The following CTNND2 variants were observed in gnomAD, a reference collection of about 807,000 sequenced individuals.
CTNND2 encodes catenin delta-2.
A neutral mutation model predicts 144.4 loss-of-function variants in CTNND2; 22 were observed. That is an observed-to-expected ratio of 0.15 (90% confidence interval 0.11 to 0.22). The LOEUF is 0.22. CTNND2 is among the 10% of genes least tolerant of loss of function. The pLI, the probability that CTNND2 is intolerant of heterozygous loss-of-function variation, is 1.00. For synonymous variants in CTNND2, 751 were observed against 695.6 expected, an observed-to-expected ratio of 1.08 and a Z score of -1.25; for missense variants, 1,353 against 1,618.8, an observed-to-expected ratio of 0.84 and a Z score of 2.82.
At position 11,363,766 on chromosome 5, in the gene CTNND2, G is replaced by A. The variant is rs958312242; in HGVS notation, c.1372+930C>T. Among the ~76,000 whole-genome samples, 9 of 152,142 alleles carry A rather than the reference G, an allele frequency of 5.9e-5. No homozygotes were observed. The South Asian group carries it at 1.7e-3, about 28-fold the overall frequency. On this transcript the variant is annotated intron_variant, in intron 8 of 21. Coordinates refer to ENST00000304623, the MANE Select transcript of CTNND2 (RefSeq NM_001332.4). ...TAAGAAAATTGCTATGCTCTACTTAGTGGTCACTAGAAATTCCAGTAGTCT... is the reference window on the plus strand; with the variant it reads ...TAAGAAAATTGCTATGCTCTACTTAATGGTCACTAGAAATTCCAGTAGTCT...
At chr5:11,266,587 G>A (rs960026698) in intron 9 of CTNND2, among the ~76,000 whole-genome samples, 9 of 152,088 alleles carry the variant, frequency 5.9e-5, no homozygotes, top group Admixed American at 2.6e-4. Flanking sequence ...TTGGGAGAGC[G>A]GCATCTCTAA....
chr5:11,712,711 A>G (rs1786099684), intron 2 of CTNND2, among the ~76,000 whole-genome samples: 1 of 152,216 alleles, frequency 6.6e-6, no homozygotes, highest in Non-Finnish European at 1.5e-5. Flanking sequence ...TTGGACATTA[A>G]AAGAAGAGGG....
intron 3 of CTNND2, among the ~76,000 whole-genome samples, chr5:11,483,507 C>G (rs1371125542): frequency 6.6e-6 from 1 of 152,200 alleles, no homozygotes; most frequent in African/African-American, 2.4e-5. Flanking sequence ...ACTGGAAGAC[C>G]TGTTTCACAT....
At chr5:11,471,064 G>A (rs1469921231) in intron 3 of CTNND2, among the ~76,000 whole-genome samples, 1 of 145,252 alleles carries the variant, frequency 6.9e-6, no homozygotes, top group Non-Finnish European at 1.5e-5. Flanking sequence ...TGCAACCACC[G>A]CCTCCCAGGT....
intron 3 of CTNND2, among the ~76,000 whole-genome samples, chr5:11,433,400 CT>C (rs1763476575): frequency 6.6e-6 from 1 of 152,192 alleles, no homozygotes; most frequent in East Asian, 1.9e-4. Flanking sequence ...ACAATTGACA[CT>C]ACCAAATGTC....
intron 1 of CTNND2, among the ~76,000 whole-genome samples, chr5:11,882,263 A>G (rs1481508562): frequency 6.6e-6 from 1 of 151,918 alleles, no homozygotes; most frequent in Non-Finnish European, 1.5e-5. Context: ...TTTATTTCCT[A>G]TGCTTTTGAA....
At chr5:11,429,506 G>T (rs1305214646) in intron 3 of CTNND2, among the ~76,000 whole-genome samples, 2 of 152,158 alleles carry the variant, frequency 1.3e-5, no homozygotes, top group Non-Finnish European at 2.9e-5. Flanking sequence ...AAATTCGCAG[G>T]CTGCCAGGAC....
intron 3 of CTNND2, among the ~76,000 whole-genome samples, chr5:11,498,414 T>C (rs1770199692): frequency 1.3e-5 from 2 of 152,162 alleles, no homozygotes; most frequent in African/African-American, 4.8e-5. Flanking sequence ...TGTTAGGCCA[T>C]GACCTTTTAA....
At chr5:11,364,175 T>A (rs1756738368) in intron 8 of CTNND2, among the ~76,000 whole-genome samples, 1 of 152,234 alleles carries the variant, frequency 6.6e-6, no homozygotes, top group Admixed American at 6.5e-5. Context: ...CATTTGCAAT[T>A]GCCAACATCC....
intron 11 of CTNND2, among the ~76,000 whole-genome samples, chr5:11,198,139 T>C (rs1057512367): frequency 1.1e-4 from 16 of 152,130 alleles, no homozygotes; most frequent in African/African-American, 3.9e-4. Flanking sequence ...TGGTAGGAAA[T>C]ATTTTCAGTT....
At chr5:11,263,237 A>T (rs899581315) in intron 9 of CTNND2, among the ~76,000 whole-genome samples, 1 of 152,220 alleles carries the variant, frequency 6.6e-6, no homozygotes, top group African/African-American at 2.4e-5. Context: ...AAACCTTTCA[A>T]GATAACTAAA....
intron 1 of CTNND2, among the ~76,000 whole-genome samples, chr5:11,886,941 G>GCC (rs375730991): frequency 1.2e-3 from 167 of 140,302 alleles, no homozygotes; most frequent in African/African-American, 4.1e-3. Context: ...TTGATTCCAA[G>GCC]CCACTATCAA....
At chr5:11,248,061 T>C (rs1426119760) in intron 9 of CTNND2, among the ~76,000 whole-genome samples, 2 of 152,202 alleles carry the variant, frequency 1.3e-5, no homozygotes. Context: ...ATGATGACTT[T>C]ATAGAAAATG....
intron 10 of CTNND2, among the ~76,000 whole-genome samples, chr5:11,204,226 T>A (rs1247696654): frequency 6.6e-6 from 1 of 152,206 alleles, no homozygotes; most frequent in Non-Finnish European, 1.5e-5. Context: ...TGTTTTGTTT[T>A]TGGGTTGTTT....
intron 1 of CTNND2, among the ~76,000 whole-genome samples, chr5:11,775,803 T>A (rs2126836214): frequency 6.6e-6 from 1 of 152,276 alleles, no homozygotes; most frequent in Non-Finnish European, 1.5e-5. Flanking sequence ...TGACCTTATT[T>A]GTAAATAGAG....
intron 12 of CTNND2, among the ~76,000 whole-genome samples, chr5:11,155,492 A>G (rs187549519): frequency 2.8e-4 from 43 of 152,302 alleles, no homozygotes; most frequent in African/African-American, 1.0e-3. Context: ...TTGGAGCAAA[A>G]GGAACAACTA....
chr5:11,001,185 T>C (rs944779371), intron 18 of CTNND2, among the ~76,000 whole-genome samples: 1 of 152,180 alleles, frequency 6.6e-6, no homozygotes, highest in Non-Finnish European at 1.5e-5. Flanking sequence ...CTCTATGACA[T>C]AGCAGGGCAC....
intron 9 of CTNND2, among the ~76,000 whole-genome samples, chr5:11,320,415 G>T (rs1751918023): frequency 6.6e-6 from 1 of 152,160 alleles, no homozygotes; most frequent in East Asian, 1.9e-4. Flanking sequence ...TCCTCTGTGG[G>T]TGAGAAAATA....
chr5:11,658,126 C>G (rs1783010132), intron 2 of CTNND2, among the ~76,000 whole-genome samples: 1 of 152,020 alleles, frequency 6.6e-6, no homozygotes, highest in African/African-American at 2.4e-5. Flanking sequence ...AACCTATATT[C>G]AAATTATAGT....
Sources: gnomAD v4.1 joint callset for allele counts (sites outside exome capture counted in the v4.1 genomes callset) on GRCh38, gnomAD v4.1.1 for gene constraint, MANE v1.5 for transcripts, NCBI Gene and HGNC (gene_info 2026-07-23, HGNC 2026-07-21) for gene names.